Variants in CSMD1 observed in about 807,000 individuals in gnomAD.
CSMD1 encodes CUB and Sushi multiple domains 1.
Under a neutral mutation model 417.5 loss-of-function variants are expected in CSMD1, and 213 were observed. The observed-to-expected ratio is 0.51, with a 90% CI of 0.46 to 0.57. CSMD1 has a LOEUF of 0.57. Ranked by LOEUF, CSMD1 falls within the 20% of genes least tolerant of loss-of-function variation. CSMD1 has a pLI of 0.00. For missense variants in CSMD1, 6,923 were observed against 4,529.7 expected, an observed-to-expected ratio of 1.53 and a Z score of -15.17; for synonymous variants, 2,862 against 1,736.8, an observed-to-expected ratio of 1.65 and a Z score of -16.11.
chr8:3,730,833 C>T (rs577406926), intron 6 of CSMD1, among the ~76,000 whole-genome samples: 9 of 152,238 alleles, frequency 5.9e-5, no homozygotes, highest in African/African-American at 1.9e-4. Context: ...TCATGTTATG[C>T]CAGATATTAG....
intron 11 of CSMD1, among the ~76,000 whole-genome samples, chr8:3,476,198 A>G (rs1016006498): frequency 2.0e-5 from 3 of 152,190 alleles, no homozygotes; most frequent in Non-Finnish European, 1.5e-5. Context: ...AAATGCAAAA[A>G]CAAAACAAGA....
chr8:3,710,026 C>G (rs775797940), intron 6 of CSMD1, among the ~76,000 whole-genome samples: 1 of 151,914 alleles, frequency 6.6e-6, no homozygotes, highest in Non-Finnish European at 1.5e-5. Flanking sequence ...ATGAAAATAG[C>G]CCACTCTTGA....
intron 3 of CSMD1, among the ~76,000 whole-genome samples, chr8:4,305,837 C>T (rs73502685): frequency 0.076 from 11,545 of 152,132 alleles, 1,156 homozygotes; most frequent in African/African-American, 0.23. Context: ...CTGTAACTTG[C>T]CGATCTTGTA....
chr8:3,809,099 C>A (rs1800915040), intron 5 of CSMD1, among the ~76,000 whole-genome samples: 1 of 152,134 alleles, frequency 6.6e-6, no homozygotes, highest in South Asian at 2.1e-4. Context: ...TGACAACCTG[C>A]CACCGGGCAC....
chr8:3,996,525 T>A (rs1258634567), intron 5 of CSMD1, among the ~76,000 whole-genome samples: 2 of 152,176 alleles, frequency 1.3e-5, no homozygotes, highest in African/African-American at 4.8e-5. Flanking sequence ...GAACCTGTGG[T>A]ATAACTTAGG....
At chr8:4,045,606 G>A (rs1319502330) in intron 3 of CSMD1, among the ~76,000 whole-genome samples, 1 of 152,176 alleles carries the variant, frequency 6.6e-6, no homozygotes, top group Non-Finnish European at 1.5e-5. Flanking sequence ...GAATGTTCCT[G>A]CTATTAGCTG....
intron 11 of CSMD1, among the ~76,000 whole-genome samples, chr8:3,471,172 C>A (rs546385128): frequency 6.6e-6 from 1 of 152,138 alleles, no homozygotes. Flanking sequence ...AATAGGCATT[C>A]GGTGTTGTCG....
intron 5 of CSMD1, among the ~76,000 whole-genome samples, chr8:3,787,593 G>C (rs928273341): frequency 8.5e-5 from 13 of 152,124 alleles, no homozygotes; most frequent in Admixed American, 7.9e-4. Flanking sequence ...TAAAGATGTA[G>C]TTGCTACAAC....
intron 1 of CSMD1, among the ~76,000 whole-genome samples, chr8:4,926,648 C>CA (rs36035041): frequency 5.3e-5 from 8 of 151,980 alleles, no homozygotes; most frequent in Admixed American, 3.3e-4. Flanking sequence ...GATTTCCTTG[C>CA]AAAAAAATAT....
chr8:3,791,360 A>T (rs1799731137), intron 5 of CSMD1, among the ~76,000 whole-genome samples: 1 of 152,228 alleles, frequency 6.6e-6, no homozygotes, highest in African/African-American at 2.4e-5. Context: ...AATGTGAAAA[A>T]ATAAATTTGG....
chr8:4,964,270 T>A (rs1315439051), intron 1 of CSMD1, among the ~76,000 whole-genome samples: 1 of 151,602 alleles, frequency 6.6e-6, no homozygotes, highest in Non-Finnish European at 1.5e-5. Flanking sequence ...TCCCAGCAGT[T>A]TGGGAGGCAA....
At chr8:3,246,927 T>G (rs1466351673) in intron 26 of CSMD1, among the ~76,000 whole-genome samples, 2 of 152,188 alleles carry the variant, frequency 1.3e-5, no homozygotes, top group Non-Finnish European at 2.9e-5. Flanking sequence ...TAGAAAAAAG[T>G]GTTTTAGAAA....
chr8:4,899,067 C>T (rs778991197), intron 1 of CSMD1, among the ~76,000 whole-genome samples: 2 of 152,074 alleles, frequency 1.3e-5, no homozygotes, highest in Admixed American at 6.5e-5. Flanking sequence ...TAAAATGTAG[C>T]CCTATCCTGT....
intron 5 of CSMD1, among the ~76,000 whole-genome samples, chr8:3,793,723 T>G (rs1027283470): frequency 6.6e-6 from 1 of 152,208 alleles, no homozygotes; most frequent in Non-Finnish European, 1.5e-5. Flanking sequence ...TGTGGTCTTG[T>G]GCACTTTTTA....
intron 10 of CSMD1, among the ~76,000 whole-genome samples, chr8:3,564,549 G>GTGTGTGTGTGTA (rs752767680): frequency 1.1e-4 from 16 of 149,478 alleles, no homozygotes; most frequent in Non-Finnish European, 1.9e-4. Flanking sequence ...GTGTGTGTGT[G>GTGTGTGTGTGTA]TATAATACAT....
chr8:3,884,871 G>C (rs1334507843), intron 5 of CSMD1, among the ~76,000 whole-genome samples: 1 of 149,830 alleles, frequency 6.7e-6, no homozygotes, highest in African/African-American at 2.5e-5. Flanking sequence ...TGAGAATTTT[G>C]CTACCATAAA....
intron 8 of CSMD1, among the ~76,000 whole-genome samples, chr8:3,601,810 G>C (rs1470374540): frequency 6.6e-6 from 1 of 152,174 alleles, no homozygotes; most frequent in East Asian, 1.9e-4. Context: ...AAACTCTTCA[G>C]AATCTCAAAT....
rs1476480057 is a variant in CSMD1, at chr8:4,025,184, C to T, written c.610+6721G>A. On this transcript the variant is annotated intron_variant, in intron 4 of 69. Transcript: ENST00000635120. Reference sequence around the variant, plus strand: ...CTCCTGTGAAGAAATGCACCCCCTCCTGGGGGAGTGTTCTGGATCAGATGT... The same window carrying T: ...CTCCTGTGAAGAAATGCACCCCCTCTTGGGGGAGTGTTCTGGATCAGATGT... Among the ~76,000 whole-genome samples, 7 of 152,230 alleles carry T rather than the reference C, an allele frequency of 4.6e-5. No individual in the cohort carries two copies. The East Asian group carries it at 1.3e-3, about 29-fold the overall frequency.
At chr8:3,346,848 T>C (rs1047341335) in intron 22 of CSMD1, among the ~76,000 whole-genome samples, 8 of 152,246 alleles carry the variant, frequency 5.3e-5, no homozygotes, top group South Asian at 2.1e-4. Context: ...TGTAAATTAA[T>C]TGAAAAACCC....
Sources: allele counts gnomAD v4.1 joint callset (sites outside exome capture counted in the v4.1 genomes callset), GRCh38; gene constraint gnomAD v4.1.1; transcripts MANE v1.5; gene names NCBI Gene and HGNC (gene_info 2026-07-23, HGNC 2026-07-21).